VARS2: variants seen among roughly 807,000 people sequenced by gnomAD.
VARS2 encodes valine--tRNA ligase, mitochondrial.
Under a neutral mutation model 154.1 loss-of-function variants are expected in VARS2, and 105 were observed. The ratio of observed to expected loss-of-function variants is 0.68; its 90% CI spans 0.58 to 0.80. The LOEUF (loss-of-function observed/expected upper bound fraction) is 0.80, where lower values mean the gene tolerates loss of function less well. Among genes scored for constraint, VARS2 ranks in the 30% least tolerant of loss-of-function variants. VARS2 has a pLI of 0.00. For synonymous variants in VARS2, 483 were observed against 539.5 expected, an observed-to-expected ratio of 0.90 and a Z score of 1.45; for missense variants, 1,157 against 1,361.4, an observed-to-expected ratio of 0.85 and a Z score of 2.36.
chr6:30,920,410 C>G lies in VARS2; in HGVS notation c.1371C>G (p.Asn457Lys). The change falls in exon 14 of 30, where the codon AAC becomes AAG. Residue 457 changes from asparagine (N) to lysine (K), a missense_variant. Physicochemically the swap from Asn to Lys is moderately conservative, Grantham distance 94. Coordinates refer to ENST00000676266, the MANE Select transcript of VARS2 (RefSeq NM_020442.6). The surrounding 1 kb of genome is among the most constrained non-coding windows in gnomAD (Gnocchi z 4.6). ...GGGGCCTGTTCCGGGGCCTCCAGAACCACCCCATGGTACTGCCCATCTGCA... is the reference window on the plus strand; with the variant it reads ...GGGGCCTGTTCCGGGGCCTCCAGAAGCACCCCATGGTACTGCCCATCTGCA... ...SEWGLFRGLQ[N>K]HPMVLPICSR... The G allele has an allele frequency of 6.2e-7, 1 of 1,612,240 alleles. No individual in the cohort carries two copies. Among genetic ancestry groups the G allele is most frequent in the Non-Finnish European group, 8.5e-7 (1 of 1,179,310 alleles).
In VARS2 at chr6:30,917,365, G is replaced by A. The variant is rs145861723; in HGVS notation, c.873+141G>A. The A allele has an allele frequency of 6.2e-3, 8,317 of 1,332,196 alleles. 46 individuals carry two copies. Among genetic ancestry groups the A allele is most frequent in the Middle Eastern group, 0.029 (128 of 4,400 alleles). 82.5% of individuals were successfully genotyped at this position (1,332,196 alleles called of 1,614,324 possible). ...ACAGCTGTGTGGCTTTTGGCAGGCC[G>A]TTTAGTCTCTTTAAGCCTCAGCTTC... is the stretch of plus-strand genomic sequence containing the variant. On this transcript the variant is annotated intron_variant, in intron 9 of 29. Transcript: ENST00000676266. The surrounding 1 kb of genome is among the most constrained non-coding windows in gnomAD (Gnocchi z 4.4).
Position 30,914,295 on chromosome 6 carries a change from C to T in VARS2, c.-77C>T, listed in dbSNP as rs1029528848. 3 of 1,067,106 alleles carry T rather than the reference C, an allele frequency of 2.8e-6. No individual in the cohort carries two copies. The highest frequency in any genetic ancestry group is 3.6e-6 in the Non-Finnish European group (3 of 833,982). 66.1% of individuals were successfully genotyped at this position (1,067,106 alleles called of 1,614,324 possible). ...TTCCAGGGTCGGGTTTGGTGGATTC[C>T]TCAGTCCCTGCCGCCGCGGGGCGCC... On this transcript the variant is annotated 5_prime_UTR_variant, in exon 1 of 30. Coordinates refer to ENST00000676266, the MANE Select transcript of VARS2 (RefSeq NM_020442.6).
chr6:30,923,779 T>G (rs1248451563), intron 25 of VARS2: 3 of 510,324 alleles, frequency 5.9e-6, no homozygotes, highest in Non-Finnish European at 1.0e-5. Context: ...GAGGGGAATT[T>G]TTTCAGTCCC....
rs1794467633 is a variant in VARS2, at chr6:30,920,893, TGGGCGGCCCAGCAA to T, written c.1479+149_1480-154del. The T allele has an allele frequency of 9.1e-7, 1 of 1,098,442 alleles. No homozygotes were observed. The highest frequency in any genetic ancestry group is 2.9e-5 in the Admixed American group (1 of 35,064). 68.0% of individuals were successfully genotyped at this position (1,098,442 alleles called of 1,614,324 possible). A position where few individuals can be genotyped will look rare whatever the true frequency, so the allele number is the denominator to read the frequency against. On this transcript the variant is annotated intron_variant, in intron 15 of 29. Transcript: ENST00000676266. The surrounding 1 kb of genome is among the most constrained non-coding windows in gnomAD (Gnocchi z 4.6). ...CTGAGAGGATGTGTGGGATGGAGGC[TGGGCGGCCCAGCAA>T]GGGCTGGCTCATATCCTTACTCAAG...
In VARS2 at chr6:30,919,272, G is replaced by T. The variant is rs3869091; in HGVS notation, c.1074+357G>T. ...TAGCTGGGAGCGTGGCACCATGCCCGGCACGTGCCACCACACCCAGCTAAT... is the reference window on the plus strand; with the variant it reads ...TAGCTGGGAGCGTGGCACCATGCCCTGCACGTGCCACCACACCCAGCTAAT... On this transcript the variant is annotated intron_variant, in intron 11 of 29. Transcript: ENST00000676266. The surrounding 1 kb of genome is among the most constrained non-coding windows in gnomAD (Gnocchi z 4.5). 0.014 allele frequency: 3,111 copies of T among 216,094 alleles called. 151 individuals carry two copies. In the East Asian group the frequency reaches 0.15, roughly 11 times the overall value. The allele number at this position is 216,094 out of a possible 1,614,324, so 13.4% of individuals were successfully genotyped here. A position where few individuals can be genotyped will look rare whatever the true frequency, so the allele number is the denominator to read the frequency against.
rs1340982532 is a variant in VARS2 at position 30,925,887 on chromosome 6, T to C, written c.2969T>C (p.Val990Ala). Residue 990 changes from valine to alanine, a missense_variant, in exon 29 of 30, where the codon GTG (valine) becomes GCG (alanine). Val to Ala is a moderately conservative substitution (Grantham distance 64). Coordinates refer to ENST00000676266, the MANE Select transcript of VARS2 (RefSeq NM_020442.6). Reference sequence around the variant, plus strand: ...CTCCCTGTTCTTCCCCAGGGCCTGGTGGACCCGCAGATCCAGCTACCTCTG... The same window carrying C: ...CTCCCTGTTCTTCCCCAGGGCCTGGCGGACCCGCAGATCCAGCTACCTCTG... ...AQVYMELQGLVDPQIQLPLLA... is the reference protein window; with the variant it reads ...AQVYMELQGLADPQIQLPLLA... 6.2e-7 allele frequency: 1 copy of C among 1,612,634 alleles called. No individual in the cohort carries two copies. Among genetic ancestry groups the C allele is most frequent in the East Asian group, 2.2e-5 (1 of 44,888 alleles).
Position 30,915,295 on chromosome 6 carries a change from G to A in VARS2, c.283+58G>A. On this transcript the variant is annotated intron_variant, in intron 3 of 29. Coordinates refer to ENST00000676266, the MANE Select transcript of VARS2 (RefSeq NM_020442.6). ...CACATATGTGTTGCCCATTTGGCCT[G>A]CCGAAATGCAGCCTGGGAACAAGTT... The A allele has an allele frequency of 5.0e-6, 8 of 1,612,722 alleles. No individual in the cohort carries two copies. In the East Asian group the frequency reaches 1.3e-4, roughly 27 times the overall value.
chr6:30,923,421 G>A lies in VARS2; in HGVS notation c.2382G>A (p.Glu794=). Residue 794 remains glutamate, a synonymous_variant, in exon 25 of 30, where the codon GAG becomes GAA. Transcript: ENST00000676266. ...SRLALAAQEC[E]RGFLTRELSL... is the part of the protein sequence containing the mutation. ...TTGCCCTGGCTGCCCAGGAGTGTGA[G>A]CGGGGCTTCCTCACCCGAGAGCTCT... 1 of 1,612,344 alleles carries A rather than the reference G, an allele frequency of 6.2e-7. No homozygotes were observed. Among genetic ancestry groups the A allele is most frequent in the Non-Finnish European group, 8.5e-7 (1 of 1,180,024 alleles).
chr6:30,921,487 A>G lies in VARS2; in HGVS notation c.1633-102A>G. On this transcript the variant is annotated intron_variant, in intron 17 of 29. Transcript: ENST00000676266. This position sits in a 1 kb window ranked among gnomAD's most constrained non-coding sequence, Gnocchi z 4.6. ...ATTTCTTTATCTCACCCCTGGGGGAACCTGGCCACTCTAAGACCACATGAG... is the reference window on the plus strand; with the variant it reads ...ATTTCTTTATCTCACCCCTGGGGGAGCCTGGCCACTCTAAGACCACATGAG... 2.1e-6 allele frequency: 3 copies of G among 1,456,122 alleles called. No individual in the cohort carries two copies. Among genetic ancestry groups the G allele is most frequent in the Admixed American group, 2.0e-5 (1 of 50,872 alleles). 90.2% of individuals were successfully genotyped at this position (1,456,122 alleles called of 1,614,324 possible).
chr6:30,916,990 T>A lies in VARS2; in HGVS notation c.753+31T>A. On this transcript the variant is annotated intron_variant, in intron 8 of 29. Transcript: ENST00000676266. This position sits in a 1 kb window ranked among gnomAD's most constrained non-coding sequence, Gnocchi z 4.0. ...TGTTCTGTGCCTTGGTCCCTGTGAG[T>A]GATGGGCGATGTTTAGGGATCTGTG... 6.2e-7 allele frequency: 1 copy of A among 1,613,930 alleles called. No individual in the cohort carries two copies. Among genetic ancestry groups the A allele is most frequent in the Non-Finnish European group, 8.5e-7 (1 of 1,179,922 alleles).
At position 30,921,803 on chromosome 6, in the gene VARS2, T is replaced by C. The variant is rs536335502; in HGVS notation, c.1735+112T>C. ...AAGGTAGGGTCAGGAAAGTTGGGAA[T>C]GGAGCCAAAGGGGACAGCCCTGGTC... On this transcript the variant is annotated intron_variant, in intron 18 of 29. Transcript: ENST00000676266. The surrounding 1 kb of genome is among the most constrained non-coding windows in gnomAD (Gnocchi z 4.6). The C allele has an allele frequency of 1.3e-6, 2 of 1,547,188 alleles. No homozygotes were observed. The highest frequency in any genetic ancestry group is 2.3e-5 in the South Asian group (2 of 85,198).
rs1242672358 is a variant in VARS2 at position 30,922,761 on chromosome 6, T to C, written c.2093T>C (p.Val698Ala). The part of the protein sequence containing the change: ...GNLDPAELAI[V>A]AAAQKKDFPH... The stretch of plus-strand genomic sequence containing the variant: ...TTGGACCCTGCAGAGCTGGCCATTG[T>C]GGCTGCAGCACAGGTGAGTCATCGC... The change falls in exon 22 of 30, where the codon GTG (valine) becomes GCG (alanine). Residue 698 changes from valine (V) to alanine (A), a missense_variant. Transcript: ENST00000676266. 1 of 1,611,966 alleles carries C rather than the reference T, an allele frequency of 6.2e-7. No homozygotes were observed. Among genetic ancestry groups the C allele is most frequent in the Admixed American group, 1.7e-5 (1 of 59,924 alleles).
Position 30,915,790 on chromosome 6 carries a change from C to A in VARS2, c.429C>A (p.Ile143=). Residue 143 remains isoleucine, a synonymous_variant, in exon 5 of 30, where the codon ATC becomes ATA. Transcript: ENST00000676266. ...CAGGGGAGACCTTTTCCATGTGTAT[C>A]CCACCTCCCAATGTCACTGGCTCCC... is the stretch of plus-strand genomic sequence containing the variant. ...QATGETFSMC[I]PPPNVTGSLH... is the part of the protein sequence containing the mutation. 1 of 1,613,948 alleles carries A rather than the reference C, an allele frequency of 6.2e-7. No individual in the cohort carries two copies. The highest frequency in any genetic ancestry group is 8.5e-7 in the Non-Finnish European group (1 of 1,180,034).
Position 30,920,602 on chromosome 6 carries a change from G to T in VARS2, c.1398-66G>T. ...TACCAAGGGCCTGGCATGGCATGGG[G>T]TCTTGTGCCCCTGGGAGAAGTCACA... On this transcript the variant is annotated intron_variant, in intron 14 of 29. Transcript: ENST00000676266. The surrounding 1 kb of genome is among the most constrained non-coding windows in gnomAD (Gnocchi z 4.6). The T allele has an allele frequency of 1.4e-6, 2 of 1,413,204 alleles. No homozygotes were observed. The highest frequency in any genetic ancestry group is 1.9e-6 in the Non-Finnish European group (2 of 1,046,230). The allele number at this position is 1,413,204 out of a possible 1,614,324, so 87.5% of individuals were successfully genotyped here.
Position 30,915,014 on chromosome 6 carries a change from G to A in VARS2, c.178G>A (p.Ala60Thr). 2 of 1,613,516 alleles carry A rather than the reference G, an allele frequency of 1.2e-6. No individual in the cohort carries two copies. The highest frequency in any genetic ancestry group is 1.7e-6 in the Non-Finnish European group (2 of 1,180,014). Residue 60 changes from alanine to threonine, a missense_variant, in exon 2 of 30, where the codon GCT becomes ACT. Transcript: ENST00000676266. The part of the protein sequence containing the change: ...RLREKQATLE[A>T]EIAGESKSPA... ...GCGAGAGAAGCAGGCGACTCTGGAG[G>A]CTGAGATAGCAGGGGAGAGCAAGGT...
rs9262288 is a variant in VARS2 at position 30,917,862 on chromosome 6, A to G, written c.985+56A>G. 0.33 allele frequency: 509,124 copies of G among 1,524,872 alleles called. 88,456 individuals are homozygous for G. Among genetic ancestry groups the G allele is most frequent in the Non-Finnish European group, 0.36 (401,867 of 1,123,476 alleles). 94.5% of individuals were successfully genotyped at this position (1,524,872 alleles called of 1,614,324 possible). A position where few individuals can be genotyped will look rare whatever the true frequency, so the allele number is the denominator to read the frequency against. On this transcript the variant is annotated intron_variant, in intron 10 of 29. Transcript: ENST00000676266. The surrounding 1 kb of genome is among the most constrained non-coding windows in gnomAD (Gnocchi z 4.4). Reference sequence around the variant, plus strand: ...TTACCTCCATTTTTCCTGTTTTCTGAAGCCCATGTTGGGCTGCTAGGAACC... The same window carrying G: ...TTACCTCCATTTTTCCTGTTTTCTGGAGCCCATGTTGGGCTGCTAGGAACC...
At chr6:30,926,077 C>T in intron 29 of VARS2, 32 bp from the exon 30 acceptor site, 1 of 1,613,022 alleles carries the variant, frequency 6.2e-7, no homozygotes, top group Non-Finnish European at 8.5e-7. Flanking sequence ...GGCCTCATTC[C>T]TGGATCCTCA....
In VARS2 at chr6:30,921,684, G is replaced by C. The variant is rs980827427; in HGVS notation, c.1728G>C (p.Leu576=). 1 of 1,603,652 alleles carries C rather than the reference G, an allele frequency of 6.2e-7. No individual in the cohort carries two copies. The highest frequency in any genetic ancestry group is 8.5e-7 in the Non-Finnish European group (1 of 1,176,568). ...LTGRPGAELT[L]ERDPDVLDTW... is the part of the protein sequence containing the mutation. The stretch of plus-strand genomic sequence containing the variant: ...GGAGGCCAGGGGCAGAGCTGACCCT[G>C]GAGAGGGGTGAGTGCCTGAGCTGGG... The change falls in exon 18 of 30, where the codon CTG becomes CTC. Residue 576 remains leucine (L), a synonymous_variant. Coordinates refer to ENST00000676266, the MANE Select transcript of VARS2 (RefSeq NM_020442.6). The surrounding 1 kb of genome is among the most constrained non-coding windows in gnomAD (Gnocchi z 4.6).
Position 30,925,313 on chromosome 6 carries a change from CG to C in VARS2, c.2716del (p.Val906SerfsTer8). ...RQPELERRFS[R>X]VQEVVQVLRA... Reference sequence around the variant, plus strand: ...GCCAGAGCTGGAGCGGCGCTTCTCCCGGGTCCAAGAGGTCGTGCAGGTGCTA... The same window carrying C: ...GCCAGAGCTGGAGCGGCGCTTCTCCCGGTCCAAGAGGTCGTGCAGGTGCTA... On this transcript the variant is annotated frameshift_variant, in exon 27 of 30. Coordinates refer to ENST00000676266, the MANE Select transcript of VARS2 (RefSeq NM_020442.6). LOFTEE classifies it high-confidence loss of function. 1 of 1,612,576 alleles carries C rather than the reference CG, an allele frequency of 6.2e-7. No individual in the cohort carries two copies. The highest frequency in any genetic ancestry group is 8.5e-7 in the Non-Finnish European group (1 of 1,179,814).
Sources: allele counts gnomAD v4.1 joint callset, GRCh38; gene constraint gnomAD v4.1.1; non-coding constraint Gnocchi (gnomAD v3.1); transcripts MANE v1.5; gene names NCBI Gene and HGNC (gene_info 2026-07-23, HGNC 2026-07-21).